HERC3: variants seen among roughly 807,000 people sequenced by gnomAD.
HERC3 encodes the protein probable E3 ubiquitin-protein ligase HERC3.
Under a neutral mutation model 129.9 loss-of-function variants are expected in HERC3, and 58 were observed. The observed-to-expected ratio is 0.45, with a 90% confidence interval of 0.36 to 0.56. The LOEUF is 0.56. Ranked by LOEUF, HERC3 falls within the 20% of genes least tolerant of loss-of-function variation. HERC3 has a pLI of 0.00. For synonymous variants in HERC3, 430 were observed against 451.0 expected, an observed-to-expected ratio of 0.95 and a Z score of 0.59; for missense variants, 835 against 1,244.2, an observed-to-expected ratio of 0.67 and a Z score of 4.95.
intron 12 of HERC3, 114 bp from the exon 13 acceptor site, chr4:88,667,263 C>A: frequency 2.0e-6 from 1 of 488,254 alleles, no homozygotes; most frequent in South Asian, 3.8e-5. Context: ...ATCTTATCTG[C>A]CAGATCAAAT....
At chr4:88,541,037 A>G in the HERC3 span, among the ~76,000 whole-genome samples, 1 of 152,258 alleles carries the variant, frequency 6.6e-6, no homozygotes, top group African/African-American at 2.4e-5. Flanking sequence ...GCATCAATTA[A>G]TGAGCAAAAT....
chr4:88,646,869 T>C (rs1342205127), intron 3 of HERC3, among the ~76,000 whole-genome samples: 1 of 152,212 alleles, frequency 6.6e-6, no homozygotes, highest in East Asian at 1.9e-4. Flanking sequence ...GGTTTGGTTC[T>C]CCATCAACAT....
At chr4:88,638,343 A>C (rs895663647) in intron 3 of HERC3, among the ~76,000 whole-genome samples, 2 of 152,266 alleles carry the variant, frequency 1.3e-5, no homozygotes, top group Non-Finnish European at 2.9e-5. Flanking sequence ...AAAATCCTCA[A>C]TAAAATACTG....
At chr4:88,581,477 T>TC in the HERC3 span, among the ~76,000 whole-genome samples, 1 of 151,548 alleles carries the variant, frequency 6.6e-6, no homozygotes, top group Non-Finnish European at 1.5e-5. Flanking sequence ...TTTTTTTTTT[T>TC]GTATTTTTAG....
intron 23 of HERC3, chr4:88,693,164 T>C: frequency 1.0e-6 from 1 of 985,162 alleles, no homozygotes; most frequent in Non-Finnish European, 1.2e-6. Context: ...ATTTGGCTTG[T>C]TTGTATGTTC....
In HERC3 at chr4:88,599,113, G is replaced by A. The variant is rs576634178; in HGVS notation, c.-30+3499G>A. On this transcript the variant is annotated intron_variant, in intron 2 of 25. Transcript: ENST00000402738. ...ATCAAAATGCCCAGCGATGCAGACCGTTGCTGAAACTAGACCTTTAAAGTC... is the reference window on the plus strand; with the variant it reads ...ATCAAAATGCCCAGCGATGCAGACCATTGCTGAAACTAGACCTTTAAAGTC... 2.1e-4 allele frequency among the ~76,000 whole-genome samples: 32 copies of A among 152,294 alleles called. No homozygotes were observed. In the South Asian group the frequency reaches 2.3e-3, roughly 11 times the overall value.
chr4:88,681,443 C>T (rs781455985), intron 21 of HERC3, 118 bp downstream of exon 21: 67 of 824,538 alleles, frequency 8.1e-5, no homozygotes, highest in Non-Finnish European at 1.3e-4. Context: ...GTGGTTAGAC[C>T]CTGTTATGTG....
At position 88,678,000 on chromosome 4, in the gene HERC3, A is replaced by G; in HGVS notation, c.2062A>G (p.Met688Val). 6.2e-7 allele frequency: 1 copy of G among 1,613,622 alleles called. No individual in the cohort carries two copies. Among genetic ancestry groups the G allele is most frequent in the Non-Finnish European group, 8.5e-7 (1 of 1,179,986 alleles). The change falls in exon 19 of 26, where the codon ATG becomes GTG. Residue 688 changes from methionine to valine, a missense_variant. By Grantham distance (21) the Met-to-Val change is conservative (BLOSUM62 1). Transcript: ENST00000402738. ...VNGANLQNVFMLLTLEPLLAR... is the reference protein window; with the variant it reads ...VNGANLQNVFVLLTLEPLLAR... ...TGGAGCCAACCTGCAGAATGTCTTC[A>G]TGCTTCTCACCCTGGAGCCTCTGCT...
At position 88,675,865 on chromosome 4, in the gene HERC3, T is replaced by C. The variant is rs79507957; in HGVS notation, c.1912-353T>C. On this transcript the variant is annotated intron_variant, in intron 16 of 25. Coordinates refer to ENST00000402738, the MANE Select transcript of HERC3 (RefSeq NM_014606.3). ...AACAAATAAAATCTAATTTGTATTG[T>C]CCACTTTACCCAACAAAAATTAACC... Among the ~76,000 whole-genome samples the C allele has an allele frequency of 4.7e-3, 722 of 152,266 alleles. 10 individuals are homozygous for C. Among genetic ancestry groups the C allele is most frequent in the African/African-American group, 0.017 (689 of 41,548 alleles).
the HERC3 span, among the ~76,000 whole-genome samples, chr4:88,562,243 G>C: frequency 6.6e-6 from 1 of 152,160 alleles, no homozygotes; most frequent in African/African-American, 2.4e-5. Context: ...TTTTTCTGGT[G>C]ATCAGTAATG....
At chr4:88,553,916 C>T in the HERC3 span, among the ~76,000 whole-genome samples, 26,943 of 152,170 alleles carry the variant, frequency 0.18, 5,403 homozygotes, top group African/African-American at 0.49. Flanking sequence ...GCAGAGATCG[C>T]GCCACTGCAC....
At chr4:88,604,840 A>G (rs1327291653) in intron 2 of HERC3, among the ~76,000 whole-genome samples, 1 of 152,210 alleles carries the variant, frequency 6.6e-6, no homozygotes, top group African/African-American at 2.4e-5. Flanking sequence ...ACTGCCAGAC[A>G]TTTTTATAAG....
intron 3 of HERC3, among the ~76,000 whole-genome samples, chr4:88,612,687 A>G (rs1172545682): frequency 2.0e-5 from 3 of 152,126 alleles, no homozygotes; most frequent in African/African-American, 7.2e-5. Flanking sequence ...TGGAGTCATC[A>G]TAGGGTTATT....
At chr4:88,696,962 G>C (rs1350443133) in intron 23 of HERC3, 1 of 418,922 alleles carries the variant, frequency 2.4e-6, no homozygotes. Context: ...ACATAATTTT[G>C]GGTTTAATTC....
rs1351209942 is a variant in HERC3 at position 88,669,884 on chromosome 4, C to T, written c.1658C>T (p.Pro553Leu). Residue 553 changes from proline to leucine, a missense_variant, in exon 15 of 26, where the codon CCG becomes CTG. Pro to Leu is a moderately conservative substitution (Grantham distance 98). Transcript: ENST00000402738. ...GATAACTGGTGGTCTCAGGTATGCC[C>T]GAAATATTTCATGAAGCTGGTAAAC... ...VLDNWWSQVC[P>L]KYFMKLVNLY... 3.1e-6 allele frequency: 5 copies of T among 1,613,142 alleles called. No individual in the cohort carries two copies. Among genetic ancestry groups the T allele is most frequent in the Non-Finnish European group, 2.5e-6 (3 of 1,179,536 alleles).
At chr4:88,530,032 T>C in the HERC3 span, among the ~76,000 whole-genome samples, 3 of 151,918 alleles carry the variant, frequency 2.0e-5, no homozygotes, top group African/African-American at 7.3e-5. Flanking sequence ...GGCTCACGCC[T>C]GTAATCCAGC....
upstream of HERC3, among the ~76,000 whole-genome samples, chr4:88,590,634 A>G (rs1242975911): frequency 6.6e-6 from 1 of 152,166 alleles, no homozygotes; most frequent in South Asian, 2.1e-4. Context: ...CAACCCAAAC[A>G]CTGATTGATT....
At chr4:88,603,546 C>T (rs958029550) in intron 2 of HERC3, among the ~76,000 whole-genome samples, 1 of 152,134 alleles carries the variant, frequency 6.6e-6, no homozygotes, top group African/African-American at 2.4e-5. Context: ...ATAGGAGCAT[C>T]TACTGTTTTA....
intron 19 of HERC3, among the ~76,000 whole-genome samples, chr4:88,679,848 G>C (rs1232750483): frequency 1.3e-5 from 2 of 152,146 alleles, no homozygotes. Context: ...AGGACACATG[G>C]TAAATTTCTG....
Sources: allele counts gnomAD v4.1 joint callset (sites outside exome capture counted in the v4.1 genomes callset), GRCh38; gene constraint gnomAD v4.1.1; transcripts MANE v1.5; gene names NCBI Gene and HGNC (gene_info 2026-07-23, HGNC 2026-07-21).